The following NCALD variants were observed in gnomAD, a reference collection of about 807,000 sequenced individuals.
NCALD encodes the protein neurocalcin-delta.
A neutral mutation model predicts 18.6 loss-of-function variants in NCALD; 10 were observed. The ratio of observed to expected loss-of-function variants is 0.54; its 90% CI spans 0.33 to 0.91. The LOEUF (loss-of-function observed/expected upper bound fraction) is 0.91. Among genes scored for constraint, NCALD ranks in the 40% least tolerant of loss-of-function variants. The probability of loss-of-function intolerance (pLI) is 0.03; values close to 1 mark genes in which losing one functional copy is unlikely to be tolerated. For synonymous variants in NCALD, 88 were observed against 87.4 expected (o/e 1.01, Z -0.04); for missense variants, 184 against 247.6 (o/e 0.74, Z 1.72).
At chr8:101,862,695 T>G (rs1815593559) in intron 4 of NCALD, among the ~76,000 whole-genome samples, 1 of 152,172 alleles carries the variant, frequency 6.6e-6, no homozygotes, top group African/African-American at 2.4e-5. Flanking sequence ...CTCATGCTAG[T>G]TTTCTCTAAC....
At chr8:102,052,928 C>T (rs1024415185) in intron 1 of NCALD, among the ~76,000 whole-genome samples, 2 of 152,182 alleles carry the variant, frequency 1.3e-5, no homozygotes, top group African/African-American at 4.8e-5. Flanking sequence ...TTTTCCCCAG[C>T]CATTTAAAAA....
At chr8:101,985,338 C>T (rs1398102478) in intron 2 of NCALD, among the ~76,000 whole-genome samples, 4 of 152,106 alleles carry the variant, frequency 2.6e-5, no homozygotes, top group African/African-American at 9.7e-5. Flanking sequence ...CAGACCTGAG[C>T]CCTCCCACCT....
intron 4 of NCALD, among the ~76,000 whole-genome samples, chr8:101,840,928 G>A (rs1213297049): frequency 1.3e-5 from 2 of 152,096 alleles, no homozygotes; most frequent in Non-Finnish European, 2.9e-5. Flanking sequence ...ACCTACCAAA[G>A]CAAGATTATT....
At chr8:101,918,771 C>T (rs1563895865) in intron 2 of NCALD, among the ~76,000 whole-genome samples, 1 of 149,870 alleles carries the variant, frequency 6.7e-6, no homozygotes, top group Non-Finnish European at 1.5e-5. Context: ...CACACACACA[C>T]ACAGATACCT....
At chr8:102,015,711 C>A (rs752902922) in intron 2 of NCALD, among the ~76,000 whole-genome samples, 2 of 152,156 alleles carry the variant, frequency 1.3e-5, no homozygotes, top group African/African-American at 2.4e-5. Context: ...GAGTGGCATG[C>A]CCTTCCAAGG....
intron 1 of NCALD, among the ~76,000 whole-genome samples, chr8:102,062,299 T>C (rs978381704): frequency 6.6e-6 from 1 of 152,172 alleles, no homozygotes; most frequent in African/African-American, 2.4e-5. Flanking sequence ...CAAGCTGCTG[T>C]CTCAAAAACA....
chr8:101,869,982 A>C (rs1243776886), intron 4 of NCALD, among the ~76,000 whole-genome samples: 1 of 152,210 alleles, frequency 6.6e-6, no homozygotes, highest in African/African-American at 2.4e-5. Flanking sequence ...AAATTTCTCA[A>C]ATACTTACAT....
intron 1 of NCALD, among the ~76,000 whole-genome samples, chr8:101,748,325 A>C (rs1810510754): frequency 6.6e-6 from 1 of 152,230 alleles, no homozygotes; most frequent in African/African-American, 2.4e-5. Context: ...TAGAATATTC[A>C]CAAGCAAATT....
chr8:101,830,861 C>T (rs1426604357), intron 4 of NCALD, among the ~76,000 whole-genome samples: 3 of 150,934 alleles, frequency 2.0e-5, no homozygotes, highest in Non-Finnish European at 2.9e-5. Context: ...GAGAGGAATA[C>T]TTTTAAGTTG....
intron 3 of NCALD, among the ~76,000 whole-genome samples, chr8:101,913,645 C>T (rs1314286811): frequency 6.6e-6 from 1 of 152,154 alleles, no homozygotes; most frequent in Non-Finnish European, 1.5e-5. Context: ...TGCAAGGGCA[C>T]AATCTCGGCT....
chr8:101,696,484 CAG>C (rs1415953356), intron 2 of NCALD, among the ~76,000 whole-genome samples: 2 of 152,028 alleles, frequency 1.3e-5, no homozygotes, highest in African/African-American at 4.8e-5. Context: ...TTAAATAAAT[CAG>C]GGGTGAGCAA....
In NCALD at chr8:102,054,739, A is replaced by AGATC. The variant is rs1207214686; in HGVS notation, c.-209-34454_-209-34451dup. The stretch of plus-strand genomic sequence containing the variant: ...ATAGATATCCTATAGATAGATAGAT[A>AGATC]GATCTATAGGATGATAGATATATAT... On this transcript the variant is annotated intron_variant, in intron 1 of 6. Coordinates refer to the NCALD transcript ENST00000311028. 3.0e-4 allele frequency among the ~76,000 whole-genome samples: 46 copies of AGATC among 152,120 alleles called. 2 individuals carry two copies. The highest frequency in any genetic ancestry group is 1.0e-3 in the African/African-American group (42 of 41,502).
chr8:101,957,737 A>G (rs1819689673), intron 2 of NCALD, among the ~76,000 whole-genome samples: 1 of 152,272 alleles, frequency 6.6e-6, no homozygotes, highest in African/African-American at 2.4e-5. Flanking sequence ...GAAGGAACAC[A>G]AGGATGGCAA....
chr8:101,686,579 G>C lies in NCALD; in HGVS notation c.*2730C>G, dbSNP rs1302430955. On this transcript the variant is annotated 3_prime_UTR_variant, in exon 4 of 4. Transcript: ENST00000220931. ...AAAAACATGCTTTAATGCCAGGCAA[G>C]AGCTACACAGTCAACTGATTTACGG... is the stretch of plus-strand genomic sequence containing the variant. The C allele has an allele frequency of 1.3e-5, 2 of 152,504 alleles. No individual in the cohort carries two copies. The highest frequency in any genetic ancestry group is 2.9e-5 in the Non-Finnish European group (2 of 68,048). The allele number at this position is 152,504 out of a possible 1,614,324, so 9.4% of individuals were successfully genotyped here. A position where few individuals can be genotyped will look rare whatever the true frequency, so the allele number is the denominator to read the frequency against.
chr8:101,706,159 T>C (rs1368847886), intron 2 of NCALD, among the ~76,000 whole-genome samples: 3 of 152,118 alleles, frequency 2.0e-5, no homozygotes, highest in African/African-American at 7.2e-5. Context: ...TGACTTGAAA[T>C]GAGACAGTGG....
At chr8:101,905,118 T>C (rs1817566794) in intron 3 of NCALD, among the ~76,000 whole-genome samples, 1 of 152,200 alleles carries the variant, frequency 6.6e-6, no homozygotes, top group African/African-American at 2.4e-5. Flanking sequence ...AGCTTCCTAT[T>C]TTTTAATCTG....
At chr8:102,060,244 A>G (rs566573380) in intron 1 of NCALD, among the ~76,000 whole-genome samples, 33 of 152,170 alleles carry the variant, frequency 2.2e-4, no homozygotes, top group East Asian at 1.7e-3. Context: ...GCCTCCCAAA[A>G]TGCTGGGATT....
At chr8:101,982,421 ATAAAC>A (rs1264515722) in intron 2 of NCALD, among the ~76,000 whole-genome samples, 1 of 152,254 alleles carries the variant, frequency 6.6e-6, no homozygotes, top group Non-Finnish European at 1.5e-5. Context: ...CTTTATAACT[ATAAAC>A]TAACTATAAA....
chr8:101,978,654 G>T (rs1820511245), intron 2 of NCALD, among the ~76,000 whole-genome samples: 1 of 152,090 alleles, frequency 6.6e-6, no homozygotes, highest in Admixed American at 6.6e-5. Flanking sequence ...AGGTGGTGGT[G>T]GTGGTGGTGG....
Sources: allele counts gnomAD v4.1 joint callset (sites outside exome capture counted in the v4.1 genomes callset), GRCh38; gene constraint gnomAD v4.1.1; transcripts MANE v1.5; gene names NCBI Gene and HGNC (gene_info 2026-07-23, HGNC 2026-07-21).